Variants in UBAC2 observed in about 807,000 individuals in gnomAD.
UBAC2 encodes ubiquitin-associated domain-containing protein 2.
In UBAC2, 26 loss-of-function variants were observed where a neutral mutation model predicts 44.0. The observed-to-expected ratio is 0.59, with a 90% CI of 0.43 to 0.82. The LOEUF (loss-of-function observed/expected upper bound fraction) is 0.82. UBAC2 is among the 40% of genes least tolerant of loss of function. The probability of loss-of-function intolerance (pLI) is 0.00; values close to 1 mark genes in which losing one functional copy is unlikely to be tolerated. For missense variants in UBAC2, 329 were observed against 419.4 expected (o/e 0.78, Z 1.88); for synonymous variants, 155 against 154.3 (o/e 1.00, Z -0.04).
intron 2 of UBAC2, among the ~76,000 whole-genome samples, chr13:99,240,593 C>T (rs759324888): frequency 2.0e-5 from 3 of 152,174 alleles, no homozygotes; most frequent in Non-Finnish European, 4.4e-5. Flanking sequence ...TCATCATCAT[C>T]GGACATTGGT....
intron 6 of UBAC2, among the ~76,000 whole-genome samples, chr13:99,338,552 A>G (rs2044836528): frequency 6.6e-6 from 1 of 152,188 alleles, no homozygotes; most frequent in Non-Finnish European, 1.5e-5. Context: ...ATCACTTGAT[A>G]AGCTTTCTAT....
chr13:99,209,530 G>A (rs989206984), intron 1 of UBAC2, among the ~76,000 whole-genome samples: 2 of 152,134 alleles, frequency 1.3e-5, no homozygotes, highest in African/African-American at 2.4e-5. Context: ...CTTCTTTAAG[G>A]CAGGCTTTAG....
intron 6 of UBAC2, among the ~76,000 whole-genome samples, chr13:99,325,322 C>T (rs904328247): frequency 4.6e-5 from 7 of 152,056 alleles, no homozygotes; most frequent in African/African-American, 1.7e-4. Flanking sequence ...GCAGGATGGT[C>T]TTGATCTCCT....
chr13:99,296,574 T>C (rs1439716683), intron 4 of UBAC2, among the ~76,000 whole-genome samples: 1 of 152,208 alleles, frequency 6.6e-6, no homozygotes, highest in Non-Finnish European at 1.5e-5. Flanking sequence ...GCTTTGCTTT[T>C]AAATTTAATT....
chr13:99,213,310 C>T (rs1338585935), intron 1 of UBAC2, among the ~76,000 whole-genome samples: 1 of 151,814 alleles, frequency 6.6e-6, no homozygotes, highest in Non-Finnish European at 1.5e-5. Context: ...CTTTCTTGGC[C>T]TCCCAAGTTG....
intron 1 of UBAC2, among the ~76,000 whole-genome samples, chr13:99,236,639 C>T (rs1475680917): frequency 6.6e-6 from 1 of 152,050 alleles, no homozygotes; most frequent in Non-Finnish European, 1.5e-5. Flanking sequence ...CACCTGAGGT[C>T]AGGAGTTCAA....
intron 4 of UBAC2, among the ~76,000 whole-genome samples, chr13:99,280,830 C>CCTCTCT (rs36041704): frequency 1.1e-4 from 12 of 109,082 alleles, no homozygotes; most frequent in African/African-American, 2.3e-4. Flanking sequence ...TTCTTCTTTC[C>CCTCTCT]CTCTCTCTCT....
intron 4 of UBAC2, among the ~76,000 whole-genome samples, chr13:99,279,447 G>A (rs2043925140): frequency 6.6e-6 from 1 of 152,184 alleles, no homozygotes; most frequent in Non-Finnish European, 1.5e-5. Context: ...AGTCTCTTGT[G>A]ATATGCTTTC....
chr13:99,295,903 G>A lies in UBAC2; in HGVS notation c.390-18194G>A. 4 of 1,613,122 alleles carry A rather than the reference G, an allele frequency of 2.5e-6. No individual in the cohort carries two copies. Among genetic ancestry groups the A allele is most frequent in the Non-Finnish European group, 3.4e-6 (4 of 1,179,448 alleles). On this transcript the variant is annotated intron_variant, in intron 4 of 8. Transcript: ENST00000403766. The surrounding 1 kb of genome is among the most constrained non-coding windows in gnomAD (Gnocchi z 4.1). The stretch of plus-strand genomic sequence containing the variant: ...AGGCTATTCGTGTAGGCAAAGCGGT[G>A]GTAAAAAGTATATCAGAAATCACCA...
At chr13:99,244,092 A>G (rs1239707676) in intron 3 of UBAC2, 141 bp downstream of exon 3, 9 of 684,350 alleles carry the variant, frequency 1.3e-5, no homozygotes, top group Middle Eastern at 4.2e-4. Context: ...TTTGAGGCAC[A>G]TGGACATTAA....
chr13:99,201,189 T>G lies in UBAC2; in HGVS notation c.31+250T>G, dbSNP rs7338947. ...GACCCCACCTGGTATCCCCAGGTGC[T>G]CTGCCCAGGAGTCTCTTGGGGCCGC... is the stretch of plus-strand genomic sequence containing the variant. On this transcript the variant is annotated intron_variant, in intron 1 of 8. Coordinates refer to ENST00000403766, the MANE Select transcript of UBAC2 (RefSeq NM_001144072.2). 1,381,256 of 1,389,162 alleles carry G rather than the reference T, an allele frequency of 0.99. 687,043 individuals carry two copies. Among genetic ancestry groups the G allele is most frequent in the East Asian group, 1 (38,043 of 38,044 alleles). 86.1% of individuals were successfully genotyped at this position (1,389,162 alleles called of 1,614,324 possible).
chr13:99,371,525 A>G (rs979940173), intron 8 of UBAC2, among the ~76,000 whole-genome samples: 1 of 152,230 alleles, frequency 6.6e-6, no homozygotes, highest in Non-Finnish European at 1.5e-5. Context: ...CTTACAAAAA[A>G]GTTTATAAAT....
chr13:99,295,648 G>A lies in UBAC2; in HGVS notation c.390-18449G>A. 1 of 1,614,132 alleles carries A rather than the reference G, an allele frequency of 6.2e-7. No homozygotes were observed. The highest frequency in any genetic ancestry group is 8.5e-7 in the Non-Finnish European group (1 of 1,180,030). Reference sequence around the variant, plus strand: ...CCTGCTTTGACATAGGGTTGATGAGGAGTGGGAGTGTCTGAGCAAATACTA... The same window carrying A: ...CCTGCTTTGACATAGGGTTGATGAGAAGTGGGAGTGTCTGAGCAAATACTA... On this transcript the variant is annotated intron_variant, in intron 4 of 8. Coordinates refer to ENST00000403766, the MANE Select transcript of UBAC2 (RefSeq NM_001144072.2). This position sits in a 1 kb window ranked among gnomAD's most constrained non-coding sequence, Gnocchi z 4.1.
At chr13:99,359,834 T>C (rs1004804884) in intron 7 of UBAC2, among the ~76,000 whole-genome samples, 1 of 152,186 alleles carries the variant, frequency 6.6e-6, no homozygotes, top group Admixed American at 6.5e-5. Flanking sequence ...CTTCGCTGCC[T>C]ACCCCATGGT....
At chr13:99,368,091 A>C (rs2045355380) in intron 8 of UBAC2, among the ~76,000 whole-genome samples, 185 bp downstream of exon 8, 1 of 152,032 alleles carries the variant, frequency 6.6e-6, no homozygotes, top group African/African-American at 2.4e-5. Context: ...GAGTTTAAGG[A>C]AGGCATTATT....
At chr13:99,293,307 C>A (rs143912952) in intron 4 of UBAC2, among the ~76,000 whole-genome samples, 18 of 152,138 alleles carry the variant, frequency 1.2e-4, no homozygotes, top group Middle Eastern at 3.4e-3. Flanking sequence ...CTCCCTTAGC[C>A]CAGAGAGGAC....
chr13:99,246,508 T>C (rs984288314), intron 4 of UBAC2, among the ~76,000 whole-genome samples: 1 of 152,202 alleles, frequency 6.6e-6, no homozygotes, highest in Non-Finnish European at 1.5e-5. Context: ...ATGGGAGGTA[T>C]GTGTGTCTGT....
chr13:99,299,926 C>T (rs1300201886), intron 4 of UBAC2, among the ~76,000 whole-genome samples: 1 of 152,204 alleles, frequency 6.6e-6, no homozygotes, highest in African/African-American at 2.4e-5. Context: ...TGCTAGATCC[C>T]TCTCTGTGAT....
In UBAC2 at chr13:99,349,074, C is replaced by T. The variant is rs553133892; in HGVS notation, c.807+8509C>T. On this transcript the variant is annotated intron_variant, in intron 7 of 8. Coordinates refer to ENST00000403766, the MANE Select transcript of UBAC2 (RefSeq NM_001144072.2). The stretch of plus-strand genomic sequence containing the variant: ...TGGTGATGAGCTAGAGCATGCTTAG[C>T]TCATCACAGTGAAGGACGAGGGCAG... Among the ~76,000 whole-genome samples the T allele has an allele frequency of 3.3e-5, 5 of 152,306 alleles. No individual in the cohort carries two copies. In the East Asian group the frequency reaches 9.6e-4, roughly 29 times the overall value.
Sources: gnomAD v4.1 joint callset for allele counts (sites outside exome capture counted in the v4.1 genomes callset) on GRCh38, gnomAD v4.1.1 for gene constraint, Gnocchi (gnomAD v3.1) non-coding constraint, MANE v1.5 for transcripts, NCBI Gene and HGNC (gene_info 2026-07-23, HGNC 2026-07-21) for gene names.